GALK2: variants seen among roughly 807,000 people sequenced by gnomAD.
GALK2 encodes N-acetylgalactosamine kinase.
A neutral mutation model predicts 52.4 loss-of-function variants in GALK2; 36 were observed. The ratio of observed to expected loss-of-function variants is 0.69; its 90% CI spans 0.53 to 0.91. The LOEUF (loss-of-function observed/expected upper bound fraction) is 0.91, where lower values mean the gene tolerates loss of function less well. Among genes scored for constraint, GALK2 ranks in the 40% least tolerant of loss-of-function variants. The pLI, the probability that GALK2 is intolerant of heterozygous loss-of-function variation, is 0.00. For missense variants in GALK2, 579 were observed against 559.1 expected (o/e 1.04, Z -0.36); for synonymous variants, 176 against 199.1 (o/e 0.88, Z 0.98).
intron 1 of GALK2, among the ~76,000 whole-genome samples, chr15:49,193,308 T>A (rs1032431743): frequency 3.0e-4 from 46 of 152,002 alleles, no homozygotes; most frequent in African/African-American, 9.7e-4. Context: ...TGTTTATACC[T>A]TTTACACATT....
intron 1 of GALK2, among the ~76,000 whole-genome samples, chr15:49,171,064 TTTTTTCTTTTTC>T (rs1339718385): frequency 2.7e-5 from 4 of 149,922 alleles, no homozygotes; most frequent in South Asian, 2.1e-4. Context: ...CCTTCCTTTC[TTTTTTCTTTTTC>T]TTTTTCTTTT....
At chr15:49,286,333 C>G (rs550158436) in intron 7 of GALK2, among the ~76,000 whole-genome samples, 3 of 152,276 alleles carry the variant, frequency 2.0e-5, no homozygotes, top group Admixed American at 2.0e-4. Context: ...ATCACCTGCT[C>G]TGTAGTTTAT....
chr15:49,341,834 C>T (rs533394522), intron 3 of GALK2, among the ~76,000 whole-genome samples: 6 of 152,180 alleles, frequency 3.9e-5, no homozygotes, highest in African/African-American at 1.4e-4. Flanking sequence ...GTTTGATTTT[C>T]ATTCAATTGT....
intron 7 of GALK2, among the ~76,000 whole-genome samples, chr15:49,289,826 G>A (rs2033756176): frequency 6.6e-6 from 1 of 152,150 alleles, no homozygotes; most frequent in South Asian, 2.1e-4. Context: ...CTGCGTCTGA[G>A]AGAAACCAAC....
intron 7 of GALK2, among the ~76,000 whole-genome samples, chr15:49,284,844 C>T (rs1256514267): frequency 6.6e-6 from 1 of 152,140 alleles, no homozygotes; most frequent in African/African-American, 2.4e-5. Context: ...AAAGCCAGCC[C>T]TTCCATGTGT....
chr15:49,314,637 G>C (rs2036256884), intron 8 of GALK2, among the ~76,000 whole-genome samples: 2 of 152,226 alleles, frequency 1.3e-5, no homozygotes, highest in South Asian at 4.1e-4. Context: ...AGCTGCTAGA[G>C]ATAGTTATGA....
At chr15:49,266,490 G>T (rs1490676064) in intron 5 of GALK2, among the ~76,000 whole-genome samples, 5 of 152,146 alleles carry the variant, frequency 3.3e-5, no homozygotes, top group African/African-American at 9.7e-5. Flanking sequence ...CACTTGTCTT[G>T]CTCTCTGTTT....
At chr15:49,209,926 G>A (rs574097412) in intron 2 of GALK2, among the ~76,000 whole-genome samples, 10 of 152,282 alleles carry the variant, frequency 6.6e-5, no homozygotes, top group African/African-American at 2.4e-4. Flanking sequence ...CTTCTTTAAA[G>A]GTTTGGTAGA....
intron 3 of GALK2, among the ~76,000 whole-genome samples, chr15:49,218,634 A>G (rs1303664954): frequency 6.6e-6 from 1 of 152,148 alleles, no homozygotes; most frequent in East Asian, 1.9e-4. Context: ...GCCTCCTAGA[A>G]TTGTCCATTT....
At chr15:49,272,520 C>T (rs1175728742) in intron 5 of GALK2, among the ~76,000 whole-genome samples, 1 of 152,140 alleles carries the variant, frequency 6.6e-6, no homozygotes, top group African/African-American at 2.4e-5. Flanking sequence ...TTAACCAGTT[C>T]CCGGGTGACA....
At chr15:49,217,442 A>T in intron 3 of GALK2, 129 bp downstream of exon 3, 1 of 889,932 alleles carries the variant, frequency 1.1e-6, no homozygotes, top group African/African-American at 1.7e-5. Flanking sequence ...ACATTAAAAA[A>T]ATTCTAAGGC....
intron 3 of GALK2, among the ~76,000 whole-genome samples, chr15:49,349,551 T>A (rs1157300392): frequency 6.6e-6 from 1 of 152,204 alleles, no homozygotes; most frequent in Non-Finnish European, 1.5e-5. Flanking sequence ...TTTAAAAATC[T>A]GAAATTGGTT....
intron 3 of GALK2, chr15:49,225,249 C>T (rs2090061286): frequency 4.4e-6 from 2 of 455,852 alleles, no homozygotes; most frequent in Non-Finnish European, 4.4e-6. Context: ...CTATGACCTG[C>T]AGATAGGCCA....
At chr15:49,294,160 T>TAAAC (rs2034233380) in intron 8 of GALK2, among the ~76,000 whole-genome samples, 1 of 149,248 alleles carries the variant, frequency 6.7e-6, no homozygotes, top group African/African-American at 2.5e-5. Context: ...AATAAATAAA[T>TAAAC]AAATAAATAA....
intron 8 of GALK2, chr15:49,319,154 A>G: frequency 2.8e-6 from 1 of 359,088 alleles, no homozygotes; most frequent in Non-Finnish European, 5.4e-6. Flanking sequence ...GGTTTTCACC[A>G]TGTTGGTCAG....
intron 1 of GALK2, among the ~76,000 whole-genome samples, chr15:49,182,994 T>G (rs1437863292): frequency 6.6e-6 from 1 of 152,196 alleles, no homozygotes; most frequent in African/African-American, 2.4e-5. Flanking sequence ...CTTGATGTGA[T>G]CTGATTTGTC....
intron 5 of GALK2, among the ~76,000 whole-genome samples, chr15:49,265,671 G>T (rs781126103): frequency 6.6e-6 from 1 of 152,232 alleles, no homozygotes; most frequent in Non-Finnish European, 1.5e-5. Flanking sequence ...CGTCGCTCAC[G>T]CTGGGAGCTG....
intron 3 of GALK2, among the ~76,000 whole-genome samples, chr15:49,355,735 G>C (rs1467267173): frequency 1.3e-5 from 2 of 151,018 alleles, no homozygotes; most frequent in African/African-American, 4.9e-5. Context: ...AGGAAATACA[G>C]AGAACACCAC....
intron 8 of GALK2, among the ~76,000 whole-genome samples, chr15:49,319,369 G>C (rs1211289975): frequency 6.6e-6 from 1 of 152,148 alleles, no homozygotes; most frequent in African/African-American, 2.4e-5. Flanking sequence ...TGTGTGTTGA[G>C]TGAAGTGAAG....
Sources: gnomAD v4.1 joint callset for allele counts (sites outside exome capture counted in the v4.1 genomes callset) on GRCh38, gnomAD v4.1.1 for gene constraint, MANE v1.5 for transcripts, NCBI Gene and HGNC (gene_info 2026-07-23, HGNC 2026-07-21) for gene names.